ANK2: variants seen among roughly 807,000 people sequenced by gnomAD.
ANK2 encodes ankyrin 2.
ANK2 carries 83 observed loss-of-function variants against 360.5 expected under a neutral mutation model. That is an observed-to-expected ratio of 0.23 (90% CI 0.19 to 0.28). The LOEUF (loss-of-function observed/expected upper bound fraction) is 0.28. ANK2 is among the 10% of genes least tolerant of loss of function. ANK2 has a pLI of 1.00. For missense variants in ANK2, 4,201 were observed against 4,795.7 expected, an observed-to-expected ratio of 0.88 and a Z score of 3.66; for synonymous variants, 1,740 against 1,759.5, an observed-to-expected ratio of 0.99 and a Z score of 0.28.
intron 1 of ANK2, among the ~76,000 whole-genome samples, chr4:113,053,674 G>A (rs2068188746): frequency 6.6e-6 from 1 of 152,116 alleles, no homozygotes; most frequent in Admixed American, 6.6e-5. Flanking sequence ...GCTCACTGCA[G>A]CATCAACCCA....
At chr4:113,253,747 C>A (rs1399911361) in intron 10 of ANK2, among the ~76,000 whole-genome samples, 1 of 152,174 alleles carries the variant, frequency 6.6e-6, no homozygotes, top group Non-Finnish European at 1.5e-5. Flanking sequence ...ATCAACCCTA[C>A]CTGGAGGACT....
At chr4:113,145,008 A>G (rs1228159718) in intron 1 of ANK2, among the ~76,000 whole-genome samples, 1 of 152,010 alleles carries the variant, frequency 6.6e-6, no homozygotes. Flanking sequence ...TATGATTTCA[A>G]AGATTGGATG....
Position 113,264,159 on chromosome 4 carries a change from C to G in ANK2, c.1387-738C>G, listed in dbSNP as rs576032431. On this transcript the variant is annotated intron_variant, in intron 13 of 45. Coordinates refer to ENST00000357077, the MANE Select transcript of ANK2 (RefSeq NM_001148.6). ...TAAATAGAGGACCTCCTGGGCAAAT[C>G]AAATTTCTTGTCTGATCCATTTTTG... 4.6e-5 allele frequency among the ~76,000 whole-genome samples: 7 copies of G among 152,234 alleles called. No individual in the cohort carries two copies. In the East Asian group the frequency reaches 1.2e-3, roughly 25 times the overall value.
chr4:113,274,788 T>C (rs1286906002), intron 15 of ANK2, 139 bp downstream of exon 15: 2 of 874,866 alleles, frequency 2.3e-6, no homozygotes, highest in Admixed American at 2.1e-5. Flanking sequence ...TTAAGACTCA[T>C]TGTCTAAATG....
At chr4:112,969,322 G>A (rs1295089212) in intron 2 of ANK2, among the ~76,000 whole-genome samples, 2 of 152,192 alleles carry the variant, frequency 1.3e-5, no homozygotes, top group South Asian at 2.1e-4. Context: ...TTGAGGAAGA[G>A]TCTGCCATTT....
chr4:113,271,983 T>C (rs1160920989), intron 14 of ANK2, among the ~76,000 whole-genome samples: 2 of 152,184 alleles, frequency 1.3e-5, no homozygotes, highest in African/African-American at 4.8e-5. Flanking sequence ...GCTGGTTCTG[T>C]TGGCACAATT....
chr4:112,986,076 A>G (rs71604959), intron 2 of ANK2, among the ~76,000 whole-genome samples: 35,820 of 147,630 alleles, frequency 0.24, 4,639 homozygotes, highest in East Asian at 0.43. Context: ...TGATCCATAT[A>G]TATATATATA....
intron 1 of ANK2, among the ~76,000 whole-genome samples, chr4:113,052,861 C>G (rs2067730235): frequency 6.6e-6 from 1 of 152,132 alleles, no homozygotes; most frequent in South Asian, 2.1e-4. Flanking sequence ...GTTCAAGAGA[C>G]TGGTGGCTCA....
At chr4:113,174,628 C>T in intron 2 of ANK2, 111 bp downstream of exon 2, 2 of 898,552 alleles carry the variant, frequency 2.2e-6, no homozygotes, top group Non-Finnish European at 3.4e-6. Flanking sequence ...ATCAGTGACT[C>T]AGACTTCTGA....
intron 1 of ANK2, among the ~76,000 whole-genome samples, chr4:112,830,974 C>T (rs868477064): frequency 2.6e-5 from 4 of 152,178 alleles, no homozygotes; most frequent in Admixed American, 6.5e-5. Context: ...GAGGGTGCCC[C>T]GGGTCCCCCA....
At chr4:112,910,972 T>C (rs1198281860) in intron 2 of ANK2, among the ~76,000 whole-genome samples, 1 of 148,896 alleles carries the variant, frequency 6.7e-6, no homozygotes, top group Non-Finnish European at 1.5e-5. Context: ...TTTTTTTTTT[T>C]TTTTTAGATG....
intron 7 of ANK2, among the ~76,000 whole-genome samples, chr4:113,237,851 A>G (rs1250455277): frequency 6.6e-6 from 1 of 152,236 alleles, no homozygotes; most frequent in Non-Finnish European, 1.5e-5. Context: ...AAGTTATTAG[A>G]GAATGAAATG....
intron 4 of ANK2, among the ~76,000 whole-genome samples, chr4:113,205,849 C>G (rs2098939552): frequency 6.6e-6 from 1 of 152,168 alleles, no homozygotes; most frequent in South Asian, 2.1e-4. Context: ...TGAATTGCTT[C>G]CATATGGTCT....
chr4:112,772,299 A>G, the ANK2 span, among the ~76,000 whole-genome samples: 2 of 152,196 alleles, frequency 1.3e-5, no homozygotes, highest in African/African-American at 4.8e-5. Flanking sequence ...TCCCTTTATA[A>G]AACCATCAGA....
intron 2 of ANK2, among the ~76,000 whole-genome samples, chr4:113,026,810 AAAAT>A (rs2059378123): frequency 6.6e-6 from 1 of 152,156 alleles, no homozygotes; most frequent in Non-Finnish European, 1.5e-5. Flanking sequence ...TTGAAGGAAA[AAAAT>A]AAAAAATGAT....
chr4:112,942,349 G>C (rs919408423), intron 2 of ANK2, among the ~76,000 whole-genome samples: 12 of 152,066 alleles, frequency 7.9e-5, no homozygotes, highest in Non-Finnish European at 1.6e-4. Context: ...CCAAGTCAGT[G>C]CTCAATATTT....
the ANK2 span, among the ~76,000 whole-genome samples, chr4:112,742,321 C>A: frequency 1.4e-4 from 21 of 152,146 alleles, no homozygotes; most frequent in African/African-American, 5.1e-4. Context: ...AACTGCTACA[C>A]AGACTTGGGG....
chr4:112,827,125 G>T (rs1372813443), intron 1 of ANK2: 2 of 1,077,144 alleles, frequency 1.9e-6, no homozygotes, highest in Non-Finnish European at 2.9e-6. Context: ...GACTGCAATT[G>T]CTCAGCATTG....
intron 45 of ANK2, among the ~76,000 whole-genome samples, chr4:113,376,738 T>G (rs2096949666): frequency 1.3e-5 from 2 of 152,020 alleles, no homozygotes; most frequent in African/African-American, 4.8e-5. Context: ...CTTCATATCC[T>G]TGTTCTATAA....
Sources: allele counts gnomAD v4.1 joint callset (sites outside exome capture counted in the v4.1 genomes callset), GRCh38; gene constraint gnomAD v4.1.1; transcripts MANE v1.5; gene names NCBI Gene and HGNC (gene_info 2026-07-23, HGNC 2026-07-21).